Variants in WDFY4 observed in about 807,000 individuals in gnomAD.
The protein encoded by WDFY4 is WDFY family member 4.
In WDFY4, 169 loss-of-function variants were observed where a neutral mutation model predicts 351.9. The observed-to-expected ratio is 0.48, with a 90% CI of 0.42 to 0.55. WDFY4 has a LOEUF of 0.55. Among genes scored for constraint, WDFY4 ranks in the 20% least tolerant of loss-of-function variants. WDFY4 has a pLI of 0.00. For synonymous variants in WDFY4, 1,622 were observed against 1,574.6 expected, an observed-to-expected ratio of 1.03 and a Z score of -0.71; for missense variants, 3,803 against 3,935.6, an observed-to-expected ratio of 0.97 and a Z score of 0.90.
At chr10:48,797,169 A>G (rs921238813) in intron 24 of WDFY4, among the ~76,000 whole-genome samples, 11 of 152,116 alleles carry the variant, frequency 7.2e-5, no homozygotes, top group African/African-American at 1.7e-4. Context: ...TGTATATGCT[A>G]TTTGCAAATA....
rs543176696 is a variant in WDFY4, at chr10:48,939,513, C to T, written c.7587-2293C>T. 2.6e-5 allele frequency among the ~76,000 whole-genome samples: 4 copies of T among 152,320 alleles called. No individual in the cohort carries two copies. In the East Asian group the frequency reaches 7.7e-4, roughly 29 times the overall value. On this transcript the variant is annotated intron_variant, in intron 47 of 61. Coordinates refer to ENST00000325239, the MANE Select transcript of WDFY4 (RefSeq NM_001394531.1). ...CAGAGCTCTTTCTCAGGCTGCCTCC[C>T]ACGGATCTCAGGAGCACATTAGAAA...
At position 48,982,809 on chromosome 10, in the gene WDFY4, C is replaced by T; in HGVS notation, c.*234C>T. The T allele has an allele frequency of 1.7e-6, 1 of 580,070 alleles. No homozygotes were observed. The highest frequency in any genetic ancestry group is 3.9e-5 in the East Asian group (1 of 25,412). 35.9% of individuals were successfully genotyped at this position (580,070 alleles called of 1,614,324 possible). ...GGAGGGCTGAGCAGCACGCTGGAAA[C>T]TGTGACTTGGTGATGCCCAGCTGCA... is the stretch of plus-strand genomic sequence containing the variant. On this transcript the variant is annotated 3_prime_UTR_variant, in exon 62 of 62. Transcript: ENST00000325239.
intron 43 of WDFY4, among the ~76,000 whole-genome samples, chr10:48,881,037 TC>T (rs1180424402): frequency 1.3e-5 from 2 of 152,222 alleles, no homozygotes; most frequent in South Asian, 4.1e-4. Flanking sequence ...CTTTCTGTTA[TC>T]TTTAGAATGG....
chr10:48,908,497 C>A (rs947493753), intron 47 of WDFY4, among the ~76,000 whole-genome samples: 1 of 152,212 alleles, frequency 6.6e-6, no homozygotes, highest in South Asian at 2.1e-4. Context: ...TTGCCTTACT[C>A]TGTGCCTCAA....
intron 43 of WDFY4, among the ~76,000 whole-genome samples, chr10:48,877,401 T>C (rs776347158): frequency 2.0e-5 from 3 of 152,174 alleles, no homozygotes; most frequent in Non-Finnish European, 4.4e-5. Context: ...GGGAAGTCTA[T>C]ACATCCTGCA....
intron 3 of WDFY4, 86 bp from the exon 4 acceptor site, chr10:48,721,175 C>A (rs1589450704): frequency 7.7e-7 from 1 of 1,301,306 alleles, no homozygotes; most frequent in South Asian, 1.3e-5. Flanking sequence ...TGCTCAGGCA[C>A]ATCTCCTGGG....
chr10:48,754,549 C>G (rs906670137), intron 12 of WDFY4, among the ~76,000 whole-genome samples: 1 of 151,304 alleles, frequency 6.6e-6, no homozygotes, highest in East Asian at 1.9e-4. Context: ...TAGCACTTAT[C>G]ATTTCTTATT....
At chr10:48,761,866 T>TC (rs1466197208) in intron 13 of WDFY4, among the ~76,000 whole-genome samples, 1 of 152,190 alleles carries the variant, frequency 6.6e-6, no homozygotes, top group Non-Finnish European at 1.5e-5. Flanking sequence ...TATTTATTCC[T>TC]CTTGCAGTTT....
chr10:48,819,999 T>C (rs537500586), intron 32 of WDFY4, among the ~76,000 whole-genome samples: 1 of 152,328 alleles, frequency 6.6e-6, no homozygotes, highest in East Asian at 1.9e-4. Flanking sequence ...TGCAGGCCTC[T>C]CTGACTCTGT....
At chr10:48,705,701 C>G (rs764947916) in intron 1 of WDFY4, among the ~76,000 whole-genome samples, 1 of 152,204 alleles carries the variant, frequency 6.6e-6, no homozygotes, top group Non-Finnish European at 1.5e-5. Flanking sequence ...TATCAAAAAT[C>G]TTTGCCGATT....
chr10:48,699,271 C>A (rs2063415109), intron 1 of WDFY4, among the ~76,000 whole-genome samples: 1 of 152,208 alleles, frequency 6.6e-6, no homozygotes, highest in South Asian at 2.1e-4. Flanking sequence ...ATCACACACT[C>A]AGTGTTCAGA....
intron 46 of WDFY4, 52 bp from the exon 47 acceptor site, chr10:48,901,749 G>A (rs1837363686): frequency 1.3e-6 from 2 of 1,530,672 alleles, no homozygotes; most frequent in East Asian, 2.4e-5. Flanking sequence ...TCTGCAGCAG[G>A]AGAAAGGGTC....
intron 22 of WDFY4, 28 bp from the exon 23 acceptor site, chr10:48,790,699 G>T (rs1381646297): frequency 1.3e-6 from 2 of 1,546,288 alleles, no homozygotes; most frequent in Admixed American, 3.9e-5. Context: ...GTGACATGTT[G>T]ATGAAATGCC....
intron 11 of WDFY4, among the ~76,000 whole-genome samples, chr10:48,737,212 G>A (rs2064699953): frequency 6.6e-6 from 1 of 152,048 alleles, no homozygotes; most frequent in South Asian, 2.1e-4. Flanking sequence ...GTCTTGTTAT[G>A]TTATCTAGTC....
chr10:48,917,994 C>T (rs1838708194), intron 47 of WDFY4, among the ~76,000 whole-genome samples: 1 of 152,180 alleles, frequency 6.6e-6, no homozygotes, highest in African/African-American at 2.4e-5. Context: ...GGGTTTTACA[C>T]TGCTTTTGAA....
chr10:48,910,832 T>C (rs1189449746), intron 47 of WDFY4: 2 of 801,606 alleles, frequency 2.5e-6, no homozygotes, highest in Non-Finnish European at 3.0e-6. Context: ...TGGCAAGAAG[T>C]GTGCTGCAGC....
chr10:48,807,706 T>G (rs1050790234), intron 27 of WDFY4, 153 bp from the exon 28 acceptor site: 6 of 683,110 alleles, frequency 8.8e-6, no homozygotes, highest in African/African-American at 7.4e-5. Context: ...TTAAGCATTG[T>G]GTGGAGGCTG....
intron 7 of WDFY4, among the ~76,000 whole-genome samples, chr10:48,728,065 C>G (rs774069846): frequency 1.3e-5 from 2 of 152,222 alleles, no homozygotes; most frequent in Non-Finnish European, 2.9e-5. Context: ...GCACATCCAG[C>G]ACAGCTGCCC....
chr10:48,834,770 C>T (rs2133083799), intron 39 of WDFY4, among the ~76,000 whole-genome samples: 1 of 152,370 alleles, frequency 6.6e-6, no homozygotes, highest in South Asian at 2.1e-4. Flanking sequence ...GGAACCCTCA[C>T]ACCTGTTGAT....
Sources: gnomAD v4.1 joint callset for allele counts (sites outside exome capture counted in the v4.1 genomes callset) on GRCh38, gnomAD v4.1.1 for gene constraint, MANE v1.5 for transcripts, NCBI Gene and HGNC (gene_info 2026-07-23, HGNC 2026-07-21) for gene names.